The following GDPD5 variants were observed in gnomAD, a reference collection of about 807,000 sequenced individuals.
The protein encoded by GDPD5 is glycerophosphodiester phosphodiesterase domain containing 5, also known as glycerophosphodiester phosphodiesterase 2.
A neutral mutation model predicts 75.1 loss-of-function variants in GDPD5; 48 were observed. The observed-to-expected ratio is 0.64, with a 90% confidence interval of 0.51 to 0.81. GDPD5 has a LOEUF of 0.81. Ranked by LOEUF, GDPD5 falls within the 40% of genes least tolerant of loss-of-function variation. GDPD5 has a pLI of 0.00. For synonymous variants in GDPD5, 336 were observed against 339.0 expected, an observed-to-expected ratio of 0.99 and a Z score of 0.10; for missense variants, 706 against 822.6, an observed-to-expected ratio of 0.86 and a Z score of 1.73.
chr11:75,446,472 T>C (rs1948990363), intron 9 of GDPD5, among the ~76,000 whole-genome samples: 1 of 152,132 alleles, frequency 6.6e-6, no homozygotes, highest in Non-Finnish European at 1.5e-5. Flanking sequence ...GGGGTGGTGG[T>C]TACTCAGGTG....
At chr11:75,491,154 C>T (rs138300224) in intron 1 of GDPD5, among the ~76,000 whole-genome samples, 1 of 152,202 alleles carries the variant, frequency 6.6e-6, no homozygotes, top group Admixed American at 6.5e-5. Context: ...AAACACACAC[C>T]TCTGTGTGTG....
At chr11:75,449,464 G>A (rs1204900417) in intron 8 of GDPD5, 53 bp downstream of exon 8, 2 of 1,500,782 alleles carry the variant, frequency 1.3e-6, no homozygotes, top group East Asian at 4.9e-5. Flanking sequence ...AGCACCAGCT[G>A]GTCTTGGCAC....
At chr11:75,489,147 T>A (rs965106923) in intron 2 of GDPD5, among the ~76,000 whole-genome samples, 6 of 151,044 alleles carry the variant, frequency 4.0e-5, no homozygotes, top group African/African-American at 2.4e-5. Flanking sequence ...TGAATAATAA[T>A]TAGCCTCTTC....
intron 1 of GDPD5, among the ~76,000 whole-genome samples, chr11:75,502,018 T>G (rs1950312681): frequency 6.6e-6 from 1 of 152,256 alleles, no homozygotes; most frequent in African/African-American, 2.4e-5. Flanking sequence ...CAGATCCTGT[T>G]GATTTGCCCT....
At chr11:75,440,069 G>A (rs879535590) in intron 14 of GDPD5, 108 bp from the exon 15 acceptor site, 2 of 766,770 alleles carry the variant, frequency 2.6e-6, no homozygotes, top group Non-Finnish European at 4.4e-6. Flanking sequence ...CTGGGGAAGG[G>A]CAAGGGAGGA....
chr11:75,441,948 C>G lies in GDPD5; in HGVS notation c.1168-145G>C. On this transcript the variant is annotated intron_variant, in intron 12 of 16. Transcript: ENST00000336898. ...ATGAAGTCATTAGCAGGGCAGGACT[C>G]AGTCCCAGCCAAGGCTGCAAAGTGC... 6.0e-6 allele frequency: 5 copies of G among 834,606 alleles called. No individual in the cohort carries two copies. The South Asian group carries it at 7.3e-5, about 12-fold the overall frequency. 51.7% of individuals were successfully genotyped at this position (834,606 alleles called of 1,614,324 possible). A position where few individuals can be genotyped will look rare whatever the true frequency, so the allele number is the denominator to read the frequency against.
chr11:75,476,568 T>C (rs1949782901), intron 3 of GDPD5, among the ~76,000 whole-genome samples: 1 of 152,062 alleles, frequency 6.6e-6, no homozygotes, highest in African/African-American at 2.4e-5. Context: ...GGGGCTCTAG[T>C]ATTGGCGTTG....
intron 6 of GDPD5, chr11:75,453,093 C>T (rs550871564): frequency 1.3e-5 from 2 of 152,326 alleles, no homozygotes; most frequent in African/African-American, 4.8e-5. Flanking sequence ...CTTCAGCCTG[C>T]TCCCTCACCT....
chr11:75,449,690 C>T lies in GDPD5; in HGVS notation c.475-80G>A, dbSNP rs1446730432. On this transcript the variant is annotated intron_variant, in intron 7 of 16. Coordinates refer to ENST00000336898, the MANE Select transcript of GDPD5 (RefSeq NM_030792.8). ...TGTGTCACCAGCCTCCTACTTCTACCTATGAGGCAGGCAACCCTGTCTCCA... is the reference window on the plus strand; with the variant it reads ...TGTGTCACCAGCCTCCTACTTCTACTTATGAGGCAGGCAACCCTGTCTCCA... The T allele has an allele frequency of 1.3e-5, 19 of 1,442,710 alleles. No individual in the cohort carries two copies. The East Asian group carries it at 4.6e-4, about 35-fold the overall frequency. The allele number at this position is 1,442,710 out of a possible 1,614,324, so 89.4% of individuals were successfully genotyped here.
chr11:75,481,601 A>C (rs1349798113), intron 2 of GDPD5, among the ~76,000 whole-genome samples: 1 of 151,956 alleles, frequency 6.6e-6, no homozygotes, highest in Non-Finnish European at 1.5e-5. Context: ...GGGTGCTCTC[A>C]GCTTTACTAT....
rs189334118 is a variant in GDPD5, at chr11:75,448,661, C to A, written c.714+316G>T. 932 of 1,089,030 alleles carry A rather than the reference C, an allele frequency of 8.6e-4. 14 individuals are homozygous for A. The highest frequency in any genetic ancestry group is 8.1e-4 in the Middle Eastern group (2 of 2,454). 67.5% of individuals were successfully genotyped at this position (1,089,030 alleles called of 1,614,324 possible). ...GGTTCTCCTGATGCCTGGTGGCAGA[C>A]CCCAGGCCCCACACTCAGCATCCAT... is the stretch of plus-strand genomic sequence containing the variant. On this transcript the variant is annotated intron_variant, in intron 9 of 16. Transcript: ENST00000336898.
At position 75,490,321 on chromosome 11, in the gene GDPD5, C is replaced by G. The variant is rs1950086068; in HGVS notation, c.-144-1G>C. On this transcript the variant is annotated splice_acceptor_variant, in intron 1 of 16. Transcript: ENST00000336898. LOFTEE classifies it low-confidence loss of function (5UTR_SPLICE). ...CAGTGATATCACTTCACTGGGAGAG[C>G]TGAGAGGACAAGGGGATAAATCCAG... The G allele has an allele frequency of 6.6e-6, 1 of 152,228 alleles. No individual in the cohort carries two copies. The highest frequency in any genetic ancestry group is 1.5e-5 in the Non-Finnish European group (1 of 68,064). 9.4% of individuals were successfully genotyped at this position (152,228 alleles called of 1,614,324 possible). A position where few individuals can be genotyped will look rare whatever the true frequency, so the allele number is the denominator to read the frequency against.
chr11:75,504,436 G>A (rs768632753), intron 1 of GDPD5, among the ~76,000 whole-genome samples: 1 of 152,178 alleles, frequency 6.6e-6, no homozygotes, highest in Non-Finnish European at 1.5e-5. Context: ...TCCATCGACA[G>A]GTGAACGGAC....
rs372343800 is a variant in GDPD5 at position 75,461,952 on chromosome 11, G to A, written c.221+834C>T. ...AGCAAAAGGCAGGCGATGGAATGGC[G>A]AAGAGGAAAAAACAGGTGCCCCTCC... On this transcript the variant is annotated intron_variant, in intron 4 of 16. Transcript: ENST00000336898. 9.9e-5 allele frequency among the ~76,000 whole-genome samples: 15 copies of A among 152,264 alleles called. No individual in the cohort carries two copies. In the East Asian group the frequency reaches 2.7e-3, roughly 27 times the overall value.
chr11:75,509,446 C>T (rs1323917133), intron 1 of GDPD5, among the ~76,000 whole-genome samples: 1 of 152,232 alleles, frequency 6.6e-6, no homozygotes, highest in African/African-American at 2.4e-5. Flanking sequence ...GAACAGTGAG[C>T]TGATGCCAGG....
At chr11:75,481,391 G>A (rs1374359122) in intron 2 of GDPD5, among the ~76,000 whole-genome samples, 1 of 152,212 alleles carries the variant, frequency 6.6e-6, no homozygotes, top group East Asian at 1.9e-4. Flanking sequence ...GGGGCTTGCT[G>A]GGAATACTGA....
At position 75,437,079 on chromosome 11, in the gene GDPD5, TCTC is replaced by T. The variant is rs1050665647; in HGVS notation, c.1557-34_1557-32del. The T allele has an allele frequency of 2.0e-6, 3 of 1,538,186 alleles. No homozygotes were observed. The Admixed American group carries it at 5.0e-5, about 26-fold the overall frequency. On this transcript the variant is annotated intron_variant, in intron 15 of 16. Transcript: ENST00000336898. ...GAGATGGCCCCGTGGGCATCAGGTC[TCTC>T]CTCAGCCCTCCCTTGGAGCAGAGAC...
intron 4 of GDPD5, 126 bp from the exon 5 acceptor site, chr11:75,457,912 G>T: frequency 1.5e-6 from 1 of 668,620 alleles, no homozygotes; most frequent in Non-Finnish European, 2.6e-6. Context: ...TGCCCACCTA[G>T]CAATAAGGCT....
intron 1 of GDPD5, among the ~76,000 whole-genome samples, chr11:75,510,064 C>T (rs1950483376): frequency 6.6e-6 from 1 of 152,232 alleles, no homozygotes; most frequent in African/African-American, 2.4e-5. Flanking sequence ...CTCCCAGTCA[C>T]GGGACACCAA....
Sources: allele counts gnomAD v4.1 joint callset (sites outside exome capture counted in the v4.1 genomes callset), GRCh38; gene constraint gnomAD v4.1.1; transcripts MANE v1.5; gene names NCBI Gene and HGNC (gene_info 2026-07-23, HGNC 2026-07-21).